The following PHPT1 variants were observed in gnomAD, a reference collection of about 807,000 sequenced individuals.
PHPT1 encodes phosphohistidine phosphatase 1.
Under a neutral mutation model 15.6 loss-of-function variants are expected in PHPT1, and 16 were observed. The ratio of observed to expected loss-of-function variants is 1.03; its 90% CI spans 0.70 to 1.56. PHPT1 has a LOEUF of 1.56. Among genes scored for constraint, PHPT1 ranks in the 40% most tolerant of loss-of-function variants. The pLI, the probability that PHPT1 is intolerant of heterozygous loss-of-function variation, is 0.00. For synonymous variants in PHPT1, 102 were observed against 68.1 expected, an observed-to-expected ratio of 1.50 and a Z score of -2.45; for missense variants, 228 against 171.0, an observed-to-expected ratio of 1.33 and a Z score of -1.86.
rs1342634761 is a variant in PHPT1 at position 136,850,946 on chromosome 9, G to A, written c.*99G>A. On this transcript the variant is annotated 3_prime_UTR_variant, in exon 3 of 3. Transcript: ENST00000247665. ...AGGGCTGGCCCTGCCTGCTCCTGCGGCAGCCTCTGGTGACGTGCTGTCCAC... is the reference window on the plus strand; with the variant it reads ...AGGGCTGGCCCTGCCTGCTCCTGCGACAGCCTCTGGTGACGTGCTGTCCAC... 3 of 909,328 alleles carry A rather than the reference G, an allele frequency of 3.3e-6. No individual in the cohort carries two copies. The highest frequency in any genetic ancestry group is 5.5e-6 in the Non-Finnish European group (3 of 542,256). 56.3% of individuals were successfully genotyped at this position (909,328 alleles called of 1,614,324 possible).
Position 136,850,113 on chromosome 9 carries a change from G to A in PHPT1, c.261G>A (p.Lys87=), listed in dbSNP as rs371383718. The A allele has an allele frequency of 6.2e-7, 1 of 1,613,206 alleles. No individual in the cohort carries two copies. The highest frequency in any genetic ancestry group is 1.7e-5 in the Admixed American group (1 of 60,018). The change falls in exon 2 of 3, where the codon AAG becomes AAA. Residue 87 remains lysine (K), a synonymous_variant. Transcript: ENST00000247665. Reference sequence around the variant, plus strand: ...TCTCCCACCAGAGTCAGGACAAGAAGATTCACGTGTACGGCTATTCCATGG... The same window carrying A: ...TCTCCCACCAGAGTCAGGACAAGAAAATTCACGTGTACGGCTATTCCATGG... ...GRISHQSQDK[K]IHVYGYSMAY...
intron 2 of PHPT1, 56 bp downstream of exon 2, chr9:136,850,193 C>G: frequency 1.2e-6 from 2 of 1,609,082 alleles, no homozygotes; most frequent in Non-Finnish European, 1.7e-6. Flanking sequence ...CTTCGAGGCC[C>G]ACCTGAGCCT....
chr9:136,850,918 T>C lies in PHPT1; in HGVS notation c.*71T>C. On this transcript the variant is annotated 3_prime_UTR_variant, in exon 3 of 3. Coordinates refer to ENST00000247665, the MANE Select transcript of PHPT1 (RefSeq NM_014172.6). ...CCCCCGCCTTTGCCTGCACTCCTCT[T>C]GCAGGGCTGGCCCTGCCTGCTCCTG... The C allele has an allele frequency of 8.5e-7, 1 of 1,170,334 alleles. No homozygotes were observed. Among genetic ancestry groups the C allele is most frequent in the Non-Finnish European group, 1.3e-6 (1 of 777,378 alleles). The allele number at this position is 1,170,334 out of a possible 1,614,324, so 72.5% of individuals were successfully genotyped here. A position where few individuals can be genotyped will look rare whatever the true frequency, so the allele number is the denominator to read the frequency against.
At position 136,850,778 on chromosome 9, in the gene PHPT1, C is replaced by T. The variant is rs1263501505; in HGVS notation, c.309C>T (p.Ala103=). 1.2e-6 allele frequency: 2 copies of T among 1,613,234 alleles called. No individual in the cohort carries two copies. Among genetic ancestry groups the T allele is most frequent in the South Asian group, 1.1e-5 (1 of 91,080 alleles). The change falls in exon 3 of 3, where the codon GCC becomes GCT. Residue 103 remains alanine (A), a synonymous_variant. Coordinates refer to ENST00000247665, the MANE Select transcript of PHPT1 (RefSeq NM_014172.6). ...AGGCCTATGGTCCTGCCCAGCACGC[C>T]ATTTCAACTGAGAAAATCAAAGCCA... ...YSMAYGPAQH[A]ISTEKIKAKY... is the part of the protein sequence containing the mutation.
In PHPT1 at chr9:136,850,605, A is replaced by G. The variant is rs759346930; in HGVS notation, c.286-150A>G. 9 of 1,587,646 alleles carry G rather than the reference A, an allele frequency of 5.7e-6. No homozygotes were observed. In the South Asian group the frequency reaches 6.7e-5, roughly 12 times the overall value. ...TCGCCTCTCCCCAGGGGAGCCCCCA[A>G]GGGCGGTCGGGATGGTGGGTTTGGC... On this transcript the variant is annotated intron_variant, in intron 2 of 2. Transcript: ENST00000247665.
chr9:136,849,424 G>A lies in PHPT1; in HGVS notation c.-7G>A. 4 of 1,589,838 alleles carry A rather than the reference G, an allele frequency of 2.5e-6. No individual in the cohort carries two copies. Among genetic ancestry groups the A allele is most frequent in the Non-Finnish European group, 3.4e-6 (4 of 1,167,624 alleles). On this transcript the variant is annotated 5_prime_UTR_variant, in exon 1 of 3. Transcript: ENST00000247665. ...GGGTGGGAGGAGGGGACTCCGGGAG[G>A]AGGAACATGGCGGTGGCGGACCTCG...
chr9:136,849,889 G>C (rs1013709391), intron 1 of PHPT1, 124 bp from the exon 2 acceptor site: 6 of 1,035,496 alleles, frequency 5.8e-6, no homozygotes, highest in Non-Finnish European at 8.5e-6. Flanking sequence ...AGCCTCAAGG[G>C]GCTTCGTCTC....
Position 136,849,817 on chromosome 9 carries a change from C to T in PHPT1, c.161-196C>T. ...TGACACGGCCTGACACCCTCCCCAG[C>T]AGTCTCCCAGTTCCCGCGCCCTCCC... On this transcript the variant is annotated intron_variant, in intron 1 of 2. Transcript: ENST00000247665. 8.4e-6 allele frequency: 6 copies of T among 712,578 alleles called. No homozygotes were observed. In the South Asian group the frequency reaches 1.1e-4, roughly 13 times the overall value. The allele number at this position is 712,578 out of a possible 1,614,324, so 44.1% of individuals were successfully genotyped here.
At position 136,849,482 on chromosome 9, in the gene PHPT1, G is replaced by A. The variant is rs1018836021; in HGVS notation, c.52G>A (p.Gly18Ser). Residue 18 changes from glycine to serine, a missense_variant, in exon 1 of 3, where the codon GGC becomes AGC. Physicochemically the swap from Gly to Ser is moderately conservative, Grantham distance 56. Coordinates refer to ENST00000247665, the MANE Select transcript of PHPT1 (RefSeq NM_014172.6). Reference protein sequence around the residue: ...LIPDVDIDSDGVFKYVLIRVH... With the variant: ...LIPDVDIDSDSVFKYVLIRVH... ...TCCTGATGTGGACATCGACTCCGAC[G>A]GCGTCTTCAAGTATGTGCTGATCCG... 4 of 1,611,532 alleles carry A rather than the reference G, an allele frequency of 2.5e-6. No individual in the cohort carries two copies. The highest frequency in any genetic ancestry group is 3.4e-6 in the Non-Finnish European group (4 of 1,179,354).
In PHPT1 at chr9:136,849,530, G is replaced by A; in HGVS notation, c.100G>A (p.Gly34Arg). The change falls in exon 1 of 3, where the codon GGG becomes AGG. Residue 34 changes from glycine (G) to arginine (R), a missense_variant. Transcript: ENST00000247665. ...CCGAGTCCACTCGGCTCCCCGCTCC[G>A]GGGCTCCGGCTGCAGAGAGCAAGGA... The part of the protein sequence containing the change: ...LIRVHSAPRS[G>R]APAAESKEIV... 1 of 1,611,198 alleles carries A rather than the reference G, an allele frequency of 6.2e-7. No individual in the cohort carries two copies. The highest frequency in any genetic ancestry group is 8.5e-7 in the Non-Finnish European group (1 of 1,179,536).
chr9:136,850,273 CCCTCCCT>C, intron 2 of PHPT1, 136 bp downstream of exon 2: 1 of 1,178,948 alleles, frequency 8.5e-7, no homozygotes, highest in East Asian at 2.5e-5. Context: ...GGCGGCAGAG[CCCTCCCT>C]CCAGGGCCCA....
chr9:136,850,935 C>G lies in PHPT1; in HGVS notation c.*88C>G, dbSNP rs770001534. 1.0e-6 allele frequency: 1 copy of G among 1,001,434 alleles called. No homozygotes were observed. Among genetic ancestry groups the G allele is most frequent in the Non-Finnish European group, 1.6e-6 (1 of 624,730 alleles). The allele number at this position is 1,001,434 out of a possible 1,614,324, so 62.0% of individuals were successfully genotyped here. Reference sequence around the variant, plus strand: ...ACTCCTCTTGCAGGGCTGGCCCTGCCTGCTCCTGCGGCAGCCTCTGGTGAC... The same window carrying G: ...ACTCCTCTTGCAGGGCTGGCCCTGCGTGCTCCTGCGGCAGCCTCTGGTGAC... On this transcript the variant is annotated 3_prime_UTR_variant, in exon 3 of 3. Transcript: ENST00000247665.
chr9:136,850,445 A>G, intron 2 of PHPT1: 1 of 1,461,608 alleles, frequency 6.8e-7, no homozygotes, highest in Non-Finnish European at 9.5e-7. Flanking sequence ...CCCCAGAGGC[A>G]GTCAGTACCT....
At chr9:136,849,851 C>T (rs1326804799) in intron 1 of PHPT1, 162 bp from the exon 2 acceptor site, 2 of 825,998 alleles carry the variant, frequency 2.4e-6, no homozygotes, top group African/African-American at 3.4e-5. Context: ...CCCGGTTCCA[C>T]CCTCCTTCGC....
Position 136,850,814 on chromosome 9 carries a change from C to T in PHPT1, c.345C>T (p.Asp115=), listed in dbSNP as rs773132537. The stretch of plus-strand genomic sequence containing the variant: ...AGAAAATCAAAGCCAAGTACCCCGA[C>T]TACGAGGTCACCTGGGCTAACGACG... ...STEKIKAKYP[D]YEVTWANDGY Residue 115 remains aspartate, a synonymous_variant, in exon 3 of 3, where the codon GAC becomes GAT. Transcript: ENST00000247665. 13 of 1,613,042 alleles carry T rather than the reference C, an allele frequency of 8.1e-6. No homozygotes were observed. The South Asian group carries it at 1.1e-4, about 14-fold the overall frequency.
At chr9:136,850,693 C>G in intron 2 of PHPT1, 62 bp from the exon 3 acceptor site, 1 of 1,522,544 alleles carries the variant, frequency 6.6e-7, no homozygotes, top group South Asian at 1.1e-5. Flanking sequence ...GGCTGGATGC[C>G]CAGAGCCGGG....
At chr9:136,850,339 G>A (rs1848879949) in intron 2 of PHPT1, 2 of 837,706 alleles carry the variant, frequency 2.4e-6, no homozygotes, top group African/African-American at 3.4e-5. Context: ...CTGAGGGGTG[G>A]GACGGACACC....
Position 136,850,839 on chromosome 9 carries a change from G to A in PHPT1, c.370G>A (p.Gly124Ser), listed in dbSNP as rs756851059. The change falls in exon 3 of 3, where the codon GGC becomes AGC. Residue 124 changes from glycine to serine, a missense_variant. By Grantham distance (56) the Gly-to-Ser change is moderately conservative (BLOSUM62 0). Coordinates refer to ENST00000247665, the MANE Select transcript of PHPT1 (RefSeq NM_014172.6). The stretch of plus-strand genomic sequence containing the variant: ...CTACGAGGTCACCTGGGCTAACGAC[G>A]GCTACTGAGCACTCCCAGCCCGGGG... ...PDYEVTWAND[G>S]Y 27 of 1,612,400 alleles carry A rather than the reference G, an allele frequency of 1.7e-5. No homozygotes were observed. The Middle Eastern group carries it at 5.0e-4, about 30-fold the overall frequency.
At chr9:136,850,671 G>A in intron 2 of PHPT1, 84 bp from the exon 3 acceptor site, 1 of 1,471,172 alleles carries the variant, frequency 6.8e-7, no homozygotes, top group Non-Finnish European at 9.5e-7. Flanking sequence ...ACTCGCTTCT[G>A]GTGTGGCTGG....
Sources: gnomAD v4.1 joint callset for allele counts on GRCh38, gnomAD v4.1.1 for gene constraint, MANE v1.5 for transcripts, NCBI Gene and HGNC (gene_info 2026-07-23, HGNC 2026-07-21) for gene names.